WAC: variants seen among roughly 807,000 people sequenced by gnomAD.
WAC encodes WW domain-containing adapter protein with coiled-coil.
WAC carries 11 observed loss-of-function variants against 79.6 expected under a neutral mutation model. The observed-to-expected ratio is 0.14, with a 90% confidence interval of 0.09 to 0.23. The LOEUF is 0.23. Among genes scored for constraint, WAC ranks in the 10% least tolerant of loss-of-function variants. The pLI is 1.00. For missense variants in WAC, 728 were observed against 773.5 expected (o/e 0.94, Z 0.70); for synonymous variants, 304 against 276.9 (o/e 1.10, Z -0.97).
intron 3 of WAC, among the ~76,000 whole-genome samples, chr10:28,556,387 A>ATTTTTTTTT (rs1837988827): frequency 3.3e-5 from 1 of 29,966 alleles, no homozygotes; most frequent in Non-Finnish European, 7.9e-5. Flanking sequence ...TTGCCCATTA[A>ATTTTTTTTT]ATTTTTTTTT....
At chr10:28,614,800 T>C (rs1841404328) in intron 11 of WAC, 115 bp downstream of exon 11, 1 of 854,036 alleles carries the variant, frequency 1.2e-6, no homozygotes, top group Admixed American at 2.4e-5. Context: ...ATGAATACCC[T>C]AAAGTAGGCT....
At chr10:28,597,851 G>C (rs1840459883) in intron 7 of WAC, among the ~76,000 whole-genome samples, 1 of 152,086 alleles carries the variant, frequency 6.6e-6, no homozygotes, top group Non-Finnish European at 1.5e-5. Context: ...CTTTCTCCTA[G>C]CACTCATTGA....
intron 7 of WAC, among the ~76,000 whole-genome samples, chr10:28,596,993 C>CT (rs1840404795): frequency 6.6e-6 from 1 of 151,976 alleles, no homozygotes. Flanking sequence ...TTAATAGAGA[C>CT]TAATATTTAT....
At chr10:28,567,303 TTGTG>T (rs913998029) in intron 3 of WAC, among the ~76,000 whole-genome samples, 1 of 152,108 alleles carries the variant, frequency 6.6e-6, no homozygotes, top group East Asian at 1.9e-4. Context: ...TGTACAGGCT[TTGTG>T]TGTGTTTGTT....
At chr10:28,551,784 T>TGTGTGTG (rs1837682780) in intron 3 of WAC, among the ~76,000 whole-genome samples, 69 of 124,814 alleles carry the variant, frequency 5.5e-4, no homozygotes, top group African/African-American at 6.6e-4. Flanking sequence ...TCCTGTCTAC[T>TGTGTGTG]TGTGTGTGTG....
intron 3 of WAC, among the ~76,000 whole-genome samples, chr10:28,554,437 G>T (rs1170237164): frequency 6.6e-6 from 1 of 152,120 alleles, no homozygotes; most frequent in African/African-American, 2.4e-5. Context: ...GAACTACTGA[G>T]GTTTAATAAA....
At chr10:28,596,402 TAA>T (rs1564408972) in intron 7 of WAC, among the ~76,000 whole-genome samples, 1 of 152,124 alleles carries the variant, frequency 6.6e-6, no homozygotes, top group Non-Finnish European at 1.5e-5. Context: ...TCTTAATACT[TAA>T]TATAAATAGA....
chr10:28,536,273 GT>G (rs1836666973), intron 3 of WAC, among the ~76,000 whole-genome samples: 1 of 150,200 alleles, frequency 6.7e-6, no homozygotes, highest in African/African-American at 2.5e-5. Flanking sequence ...GGACTTTAGT[GT>G]TTAATAATAA....
chr10:28,568,964 A>C (rs1004755782), intron 3 of WAC, among the ~76,000 whole-genome samples: 1 of 152,184 alleles, frequency 6.6e-6, no homozygotes, highest in Non-Finnish European at 1.5e-5. Flanking sequence ...CAATATATGC[A>C]TTGTACATGT....
At chr10:28,584,447 CTA>C (rs1839701213) in intron 4 of WAC, among the ~76,000 whole-genome samples, 1 of 152,114 alleles carries the variant, frequency 6.6e-6, no homozygotes, top group Non-Finnish European at 1.5e-5. Flanking sequence ...ATAAGAAGCT[CTA>C]TGTCATGCCA....
chr10:28,551,507 T>C (rs1432537140), intron 3 of WAC, among the ~76,000 whole-genome samples: 1 of 152,238 alleles, frequency 6.6e-6, no homozygotes, highest in East Asian at 1.9e-4. Flanking sequence ...AATTCACATC[T>C]TGTGGAAAAG....
intron 10 of WAC, among the ~76,000 whole-genome samples, chr10:28,612,656 T>C (rs1177498392): frequency 6.6e-6 from 1 of 151,772 alleles, no homozygotes; most frequent in East Asian, 1.9e-4. Flanking sequence ...CATTGAAATA[T>C]AACTTGAAAG....
intron 3 of WAC, among the ~76,000 whole-genome samples, chr10:28,545,339 T>G (rs550721889): frequency 1.3e-5 from 2 of 150,944 alleles, no homozygotes; most frequent in Admixed American, 6.6e-5. Flanking sequence ...AATACAAAAT[T>G]AGGCATGGTG....
chr10:28,551,477 A>T (rs751376010), intron 3 of WAC, among the ~76,000 whole-genome samples: 2 of 152,198 alleles, frequency 1.3e-5, no homozygotes, highest in African/African-American at 2.4e-5. Flanking sequence ...GCTCAGTTGT[A>T]AAAAGTCTTC....
At chr10:28,616,070 T>G in intron 11 of WAC, 103 bp from the exon 12 acceptor site, 6 of 924,254 alleles carry the variant, frequency 6.5e-6, no homozygotes, top group Non-Finnish European at 9.3e-6. Context: ...CTTAGGAATT[T>G]GGATATCTTT....
chr10:28,576,474 G>A (rs1274364356), intron 3 of WAC, among the ~76,000 whole-genome samples: 1 of 152,180 alleles, frequency 6.6e-6, no homozygotes, highest in African/African-American at 2.4e-5. Context: ...ATTATTGTCA[G>A]TGGTGAGATT....
At chr10:28,619,220 C>T (rs1390080707) in intron 13 of WAC, among the ~76,000 whole-genome samples, 4 of 152,180 alleles carry the variant, frequency 2.6e-5, no homozygotes, top group Non-Finnish European at 5.9e-5. Context: ...GCGGAGATTG[C>T]AGTGAGTCAA....
At chr10:28,598,713 C>G (rs746832312) in intron 7 of WAC, among the ~76,000 whole-genome samples, 4 of 152,158 alleles carry the variant, frequency 2.6e-5, no homozygotes, top group Admixed American at 6.5e-5. Flanking sequence ...TCCTCAAAAC[C>G]AAATGTAATG....
chr10:28,596,063 C>T (rs748484799), intron 7 of WAC, 22 bp downstream of exon 7: 1 of 1,600,810 alleles, frequency 6.2e-7, no homozygotes, highest in Non-Finnish European at 8.5e-7. Flanking sequence ...TTACTAGATG[C>T]TGCACGTTGA....
Sources: allele counts gnomAD v4.1 joint callset (sites outside exome capture counted in the v4.1 genomes callset), GRCh38; gene constraint gnomAD v4.1.1; transcripts MANE v1.5; gene names NCBI Gene and HGNC (gene_info 2026-07-23, HGNC 2026-07-21).